The following RB1 variants were observed in gnomAD, a reference collection of about 807,000 sequenced individuals.
RB1 encodes the protein RB transcriptional corepressor 1, also known as retinoblastoma-associated protein.
In RB1, 18 loss-of-function variants were observed where a neutral mutation model predicts 135.4. The observed-to-expected ratio is 0.13, with a 90% confidence interval of 0.09 to 0.20. The LOEUF (loss-of-function observed/expected upper bound fraction) is 0.20, where lower values mean the gene tolerates loss of function less well. Ranked by LOEUF, RB1 falls within the 10% of genes least tolerant of loss-of-function variation. The pLI, the probability that RB1 is intolerant of heterozygous loss-of-function variation, is 1.00. For missense variants in RB1, 868 were observed against 1,110.0 expected (o/e 0.78, Z 3.10); for synonymous variants, 365 against 373.2 (o/e 0.98, Z 0.25).
In RB1 at chr13:48,373,388, AT is replaced by A; in HGVS notation, c.1128-12del. ...CCTTCATTGCTTAACACATTTTCCT[AT>A]TTTTATCCCCTCTAGGACTGTTATG... On this transcript the variant is annotated splice_polypyrimidine_tract_variant and intron_variant, in intron 11 of 26. Transcript: ENST00000267163. The A allele has an allele frequency of 6.7e-7, 1 of 1,487,356 alleles. No individual in the cohort carries two copies. The highest frequency in any genetic ancestry group is 1.4e-5 in the African/African-American group (1 of 72,292). The allele number at this position is 1,487,356 out of a possible 1,614,324, so 92.1% of individuals were successfully genotyped here.
Position 48,459,684 on chromosome 13 carries a change from A to G in RB1, c.1961-4A>G, listed in dbSNP as rs1949383242. ...AAAATGACTAATTTTTCTTATTCCCACAGTGTATCGGCTAGCCTATCTCCG... is the reference window on the plus strand; with the variant it reads ...AAAATGACTAATTTTTCTTATTCCCGCAGTGTATCGGCTAGCCTATCTCCG... On this transcript the variant is annotated splice_region_variant and splice_polypyrimidine_tract_variant and intron_variant, in intron 19 of 26. Coordinates refer to ENST00000267163, the MANE Select transcript of RB1 (RefSeq NM_000321.3). The G allele has an allele frequency of 6.2e-7, 1 of 1,613,982 alleles. No individual in the cohort carries two copies.
rs1020353298 is a variant in RB1, at chr13:48,303,775, T to C, written c.-138T>C. The C allele has an allele frequency of 2.3e-6, 3 of 1,310,516 alleles. No individual in the cohort carries two copies. The East Asian group carries it at 9.3e-5, about 41-fold the overall frequency. The allele number at this position is 1,310,516 out of a possible 1,614,324, so 81.2% of individuals were successfully genotyped here. A position where few individuals can be genotyped will look rare whatever the true frequency, so the allele number is the denominator to read the frequency against. ...CAGTTGCCGGGCGGGGGAGGGCGCG[T>C]CCGGTTTTTCTCAGGGGACGTTGAA... is the stretch of plus-strand genomic sequence containing the variant. On this transcript the variant is annotated 5_prime_UTR_variant, in exon 1 of 27. Transcript: ENST00000267163.
chr13:48,341,494 T>C (rs1303642153), intron 2 of RB1, among the ~76,000 whole-genome samples: 4 of 152,058 alleles, frequency 2.6e-5, no homozygotes, highest in African/African-American at 9.7e-5. Flanking sequence ...CCAAACTTGT[T>C]TTCCAAAATG....
At chr13:48,442,212 T>A (rs575608986) in intron 17 of RB1, among the ~76,000 whole-genome samples, 16 of 152,212 alleles carry the variant, frequency 1.1e-4, no homozygotes, top group South Asian at 1.0e-3. Flanking sequence ...TTTTATTTTT[T>A]TTTTTTGAAA....
intron 4 of RB1, 66 bp downstream of exon 4, chr13:48,345,265 G>T: frequency 6.5e-7 from 1 of 1,536,712 alleles, no homozygotes; most frequent in Non-Finnish European, 8.9e-7. Context: ...ATTAGATTCT[G>T]GGAATTATTT....
intron 17 of RB1, among the ~76,000 whole-genome samples, chr13:48,419,711 CA>C (rs1213185845): frequency 6.6e-6 from 1 of 152,134 alleles, no homozygotes; most frequent in African/African-American, 2.4e-5. Flanking sequence ...GGGATATCAC[CA>C]CTGATCCCAC....
In RB1 at chr13:48,348,875, C is replaced by T. The variant is rs4151477; in HGVS notation, c.540-81C>T. ...TTTTTTTTTAATGCACAAAAAGAAACACCCAAAAGATATATCTGGAAAACT... is the reference window on the plus strand; with the variant it reads ...TTTTTTTTTAATGCACAAAAAGAAATACCCAAAAGATATATCTGGAAAACT... On this transcript the variant is annotated intron_variant, in intron 5 of 26. Coordinates refer to ENST00000267163, the MANE Select transcript of RB1 (RefSeq NM_000321.3). 9,210 of 1,492,710 alleles carry T rather than the reference C, an allele frequency of 6.2e-3. 40 individuals are homozygous for T. The highest frequency in any genetic ancestry group is 7.4e-3 in the Non-Finnish European group (8,237 of 1,115,258). The allele number at this position is 1,492,710 out of a possible 1,614,324, so 92.5% of individuals were successfully genotyped here.
intron 2 of RB1, among the ~76,000 whole-genome samples, chr13:48,336,356 T>C (rs1952384937): frequency 6.6e-6 from 1 of 152,240 alleles, no homozygotes; most frequent in Non-Finnish European, 1.5e-5. Context: ...ACTCCCTCAA[T>C]TTCAGAACGT....
chr13:48,354,320 G>A (rs966842339), intron 6 of RB1, among the ~76,000 whole-genome samples: 3 of 151,968 alleles, frequency 2.0e-5, no homozygotes, highest in African/African-American at 7.2e-5. Flanking sequence ...AATTTAAAAA[G>A]TAGTCCTGTT....
At chr13:48,306,991 A>G (rs191851537) in intron 1 of RB1, among the ~76,000 whole-genome samples, 201 of 152,252 alleles carry the variant, frequency 1.3e-3, no homozygotes, top group East Asian at 9.6e-4. Context: ...TAGCTATTAC[A>G]TTTACTTTCC....
intron 19 of RB1, among the ~76,000 whole-genome samples, chr13:48,459,060 T>C (rs1949379449): frequency 1.3e-5 from 2 of 152,280 alleles, no homozygotes; most frequent in South Asian, 2.1e-4. Context: ...ATTAATAGAA[T>C]TGAAACAAAC....
chr13:48,305,000 G>A (rs946261454), intron 1 of RB1, among the ~76,000 whole-genome samples: 2 of 152,080 alleles, frequency 1.3e-5, no homozygotes, highest in Non-Finnish European at 2.9e-5. Flanking sequence ...AGATCTTGAA[G>A]GGAAGTATTT....
chr13:48,400,979 A>T (rs2058381848), intron 17 of RB1, among the ~76,000 whole-genome samples: 1 of 152,104 alleles, frequency 6.6e-6, no homozygotes, highest in South Asian at 2.1e-4. Flanking sequence ...AAATGGAAAA[A>T]GTTCAGGGGG....
At chr13:48,324,848 TTTTTTG>T (rs1217402605) in intron 2 of RB1, among the ~76,000 whole-genome samples, 1 of 139,336 alleles carries the variant, frequency 7.2e-6, no homozygotes, top group East Asian at 2.1e-4. Flanking sequence ...CTTTTGTTTT[TTTTTTG>T]TTTGTTTGTT....
chr13:48,464,324 G>A (rs960820871), intron 21 of RB1, among the ~76,000 whole-genome samples: 1 of 152,014 alleles, frequency 6.6e-6, no homozygotes, highest in African/African-American at 2.4e-5. Context: ...AGTGAGTTGA[G>A]GGGTATTTTT....
intron 6 of RB1, among the ~76,000 whole-genome samples, chr13:48,352,371 T>G (rs1038765770): frequency 1.7e-4 from 26 of 152,044 alleles, no homozygotes; most frequent in Admixed American, 1.4e-3. Flanking sequence ...TAAAATAGTT[T>G]TTTTTTTTTT....
At chr13:48,368,048 C>G (rs550799025) in intron 10 of RB1, among the ~76,000 whole-genome samples, 54 of 152,178 alleles carry the variant, frequency 3.5e-4, no homozygotes, top group African/African-American at 1.3e-3. Context: ...TTTGACTGAT[C>G]ATAAGTAAAG....
At chr13:48,443,040 T>A (rs1949253393) in intron 17 of RB1, among the ~76,000 whole-genome samples, 1 of 152,070 alleles carries the variant, frequency 6.6e-6, no homozygotes, top group Non-Finnish European at 1.5e-5. Flanking sequence ...TTTTAAGACA[T>A]TTAATTAATA....
intron 2 of RB1, among the ~76,000 whole-genome samples, chr13:48,336,188 T>C (rs906125741): frequency 6.6e-5 from 10 of 152,142 alleles, no homozygotes; most frequent in Non-Finnish European, 7.4e-5. Flanking sequence ...ATCAGGATGA[T>C]TTTGGCCTCA....
Sources: allele counts gnomAD v4.1 joint callset (sites outside exome capture counted in the v4.1 genomes callset), GRCh38; gene constraint gnomAD v4.1.1; transcripts MANE v1.5; gene names NCBI Gene and HGNC (gene_info 2026-07-23, HGNC 2026-07-21).